Variants in SNX29 observed in about 807,000 individuals in gnomAD.
SNX29 encodes sorting nexin-29.
A neutral mutation model predicts 102.1 loss-of-function variants in SNX29; 78 were observed. The ratio of observed to expected loss-of-function variants is 0.76; its 90% CI spans 0.64 to 0.92. The LOEUF (loss-of-function observed/expected upper bound fraction) is 0.92, where lower values mean the gene tolerates loss of function less well. Ranked by LOEUF, SNX29 falls within the 40% of genes least tolerant of loss-of-function variation. The pLI, the probability that SNX29 is intolerant of heterozygous loss-of-function variation, is 0.00. For synonymous variants in SNX29, 580 were observed against 414.5 expected, an observed-to-expected ratio of 1.40 and a Z score of -4.85; for missense variants, 1,280 against 1,061.7, an observed-to-expected ratio of 1.21 and a Z score of -2.86.
intron 16 of SNX29, among the ~76,000 whole-genome samples, chr16:12,378,085 A>C (rs1046813663): frequency 2.6e-5 from 4 of 152,220 alleles, no homozygotes; most frequent in Admixed American, 1.3e-4. Context: ...TTAGATACTA[A>C]GAAAGTCCAG....
chr16:12,487,658 G>T (rs762461477), intron 19 of SNX29, among the ~76,000 whole-genome samples: 1 of 152,148 alleles, frequency 6.6e-6, no homozygotes, highest in East Asian at 1.9e-4. Context: ...CGTAAAGTTC[G>T]TCATGTGAAG....
At chr16:12,427,069 C>A (rs928495036) in intron 18 of SNX29, among the ~76,000 whole-genome samples, 2 of 152,110 alleles carry the variant, frequency 1.3e-5, no homozygotes, top group African/African-American at 4.8e-5. Context: ...AGTTTAGGCT[C>A]ATTTTTAAAA....
chr16:12,571,617 C>T lies in SNX29; in HGVS notation c.*2988C>T, dbSNP rs2079189333. ...AAACAGAACAGCAGGTTCCATCTTT[C>T]ACATCTTTTTTTCTCCCCCAGATGA... On this transcript the variant is annotated 3_prime_UTR_variant, in exon 21 of 21. Transcript: ENST00000566228. 2 of 1,060,096 alleles carry T rather than the reference C, an allele frequency of 1.9e-6. No individual in the cohort carries two copies. Among genetic ancestry groups the T allele is most frequent in the Non-Finnish European group, 1.1e-6 (1 of 876,074 alleles). 65.7% of individuals were successfully genotyped at this position (1,060,096 alleles called of 1,614,324 possible). A position where few individuals can be genotyped will look rare whatever the true frequency, so the allele number is the denominator to read the frequency against.
At chr16:12,346,501 A>T (rs556353926) in intron 15 of SNX29, among the ~76,000 whole-genome samples, 1 of 152,274 alleles carries the variant, frequency 6.6e-6, no homozygotes, top group Non-Finnish European at 1.5e-5. Flanking sequence ...GGAGTCAGGA[A>T]TGGTGGGTTT....
intron 11 of SNX29, among the ~76,000 whole-genome samples, chr16:12,117,242 G>A (rs1049293574): frequency 1.4e-5 from 2 of 146,420 alleles, no homozygotes; most frequent in African/African-American, 2.6e-5. Context: ...GCTTCAATGC[G>A]GACGAACCGT....
At chr16:12,407,909 G>A (rs550276675) in intron 18 of SNX29, among the ~76,000 whole-genome samples, 2 of 152,186 alleles carry the variant, frequency 1.3e-5, no homozygotes, top group Non-Finnish European at 2.9e-5. Context: ...GAGCCCAGCA[G>A]TTTGAGCCTG....
intron 15 of SNX29, among the ~76,000 whole-genome samples, chr16:12,292,462 G>T (rs1173447806): frequency 1.3e-5 from 2 of 152,150 alleles, no homozygotes; most frequent in African/African-American, 4.8e-5. Context: ...TCCCGTGGCC[G>T]CTCTTGGCCT....
rs570057385 is a variant in SNX29 at position 12,559,711 on chromosome 16, G to C, written c.2319-8795G>C. Among the ~76,000 whole-genome samples the C allele has an allele frequency of 3.3e-5, 5 of 152,178 alleles. No individual in the cohort carries two copies. In the East Asian group the frequency reaches 9.7e-4, roughly 29 times the overall value. On this transcript the variant is annotated intron_variant, in intron 20 of 20. Transcript: ENST00000566228. ...CTTCTCGAGCTTCCCATCTCCCATG[G>C]TGAGAACACCAAGAAATAGATGAAA...
intron 11 of SNX29, among the ~76,000 whole-genome samples, chr16:12,112,003 C>T (rs1014237905): frequency 9.2e-5 from 14 of 152,180 alleles, no homozygotes; most frequent in African/African-American, 3.4e-4. Context: ...GGTCATCGTT[C>T]CCAGGGCTCT....
intron 15 of SNX29, among the ~76,000 whole-genome samples, chr16:12,338,184 G>A (rs762664907): frequency 1.3e-5 from 2 of 152,160 alleles, no homozygotes; most frequent in Non-Finnish European, 2.9e-5. Flanking sequence ...ACCAGACATC[G>A]CCTCTGCAGT....
At position 12,073,260 on chromosome 16, in the gene SNX29, T is replaced by C. The variant is rs560686533; in HGVS notation, c.1319+4128T>C. Among the ~76,000 whole-genome samples the C allele has an allele frequency of 1.2e-4, 19 of 152,336 alleles. No homozygotes were observed. In the East Asian group the frequency reaches 3.5e-3, roughly 28 times the overall value. ...TTTTTTCTAGTTCTTTTAATTGTGA[T>C]GTTAGGGTGTGAATTTTGGATCTTT... On this transcript the variant is annotated intron_variant, in intron 10 of 20. Coordinates refer to ENST00000566228, the MANE Select transcript of SNX29 (RefSeq NM_032167.5).
chr16:12,040,595 A>T (rs2049840285), intron 4 of SNX29, among the ~76,000 whole-genome samples: 1 of 152,202 alleles, frequency 6.6e-6, no homozygotes, highest in African/African-American at 2.4e-5. Context: ...AGGAATGAGG[A>T]CAATTATTTA....
intron 13 of SNX29, among the ~76,000 whole-genome samples, chr16:12,153,270 A>G (rs896789141): frequency 4.6e-5 from 7 of 151,842 alleles, no homozygotes; most frequent in African/African-American, 1.5e-4. Context: ...CTCTGAATGA[A>G]TGAATGGCAC....
chr16:12,143,190 T>C (rs2141519910), intron 13 of SNX29, among the ~76,000 whole-genome samples: 1 of 151,558 alleles, frequency 6.6e-6, no homozygotes. Flanking sequence ...TAGAGGTGGG[T>C]TTCTCCATGT....
At chr16:12,265,331 A>G (rs2078895039) in intron 14 of SNX29, among the ~76,000 whole-genome samples, 2 of 152,204 alleles carry the variant, frequency 1.3e-5, no homozygotes, top group South Asian at 4.1e-4. Context: ...TCACATGAGC[A>G]GGTGGGACTG....
intron 20 of SNX29, among the ~76,000 whole-genome samples, chr16:12,526,198 C>T (rs1317616315): frequency 6.6e-6 from 1 of 152,164 alleles, no homozygotes; most frequent in Admixed American, 6.5e-5. Flanking sequence ...GTCACTGTAG[C>T]TGTTTAACGG....
intron 12 of SNX29, among the ~76,000 whole-genome samples, chr16:12,127,525 G>T (rs1440029886): frequency 2.7e-5 from 4 of 150,710 alleles, no homozygotes; most frequent in African/African-American, 9.8e-5. Flanking sequence ...GGGCTCAAGT[G>T]ATCCTCCAGC....
At chr16:12,539,437 T>C (rs1597824082) in intron 20 of SNX29, among the ~76,000 whole-genome samples, 1 of 152,230 alleles carries the variant, frequency 6.6e-6, no homozygotes, top group Admixed American at 6.5e-5. Flanking sequence ...AGTGTTTTTA[T>C]TACTGAGCAG....
In SNX29 at chr16:12,571,995, A is replaced by G. The variant is rs2079198050; in HGVS notation, c.*3366A>G. 3 of 1,062,248 alleles carry G rather than the reference A, an allele frequency of 2.8e-6. No homozygotes were observed. Among genetic ancestry groups the G allele is most frequent in the Admixed American group, 5.4e-5 (1 of 18,612 alleles). The allele number at this position is 1,062,248 out of a possible 1,614,324, so 65.8% of individuals were successfully genotyped here. A position where few individuals can be genotyped will look rare whatever the true frequency, so the allele number is the denominator to read the frequency against. On this transcript the variant is annotated 3_prime_UTR_variant, in exon 21 of 21. Transcript: ENST00000566228. ...GTAGCCATCTTCACATCCAGTCACCAGTTGCATCTAGGGAGCTGCTGGCTA... is the reference window on the plus strand; with the variant it reads ...GTAGCCATCTTCACATCCAGTCACCGGTTGCATCTAGGGAGCTGCTGGCTA...
Sources: allele counts gnomAD v4.1 joint callset (sites outside exome capture counted in the v4.1 genomes callset), GRCh38; gene constraint gnomAD v4.1.1; transcripts MANE v1.5; gene names NCBI Gene and HGNC (gene_info 2026-07-23, HGNC 2026-07-21).